BTBD8: variants seen among roughly 807,000 people sequenced by gnomAD.
The protein encoded by BTBD8 is BTB/POZ domain-containing protein 8.
BTBD8 carries 110 observed loss-of-function variants against 162.9 expected under a neutral mutation model. The ratio of observed to expected loss-of-function variants is 0.68; its 90% confidence interval spans 0.58 to 0.79. The LOEUF is 0.79. Ranked by LOEUF, BTBD8 falls within the 30% of genes least tolerant of loss-of-function variation. The pLI, the probability that BTBD8 is intolerant of heterozygous loss-of-function variation, is 0.00. For synonymous variants in BTBD8, 667 were observed against 716.1 expected, an observed-to-expected ratio of 0.93 and a Z score of 1.10; for missense variants, 1,905 against 2,085.4, an observed-to-expected ratio of 0.91 and a Z score of 1.68.
chr1:92,110,765 G>A (rs936296991), intron 4 of BTBD8, among the ~76,000 whole-genome samples: 25 of 151,806 alleles, frequency 1.6e-4, no homozygotes, highest in Admixed American at 6.6e-5. Context: ...GGATGGTCTC[G>A]ATCTCCTGAC....
chr1:92,098,494 C>A (rs1299143054), intron 2 of BTBD8, among the ~76,000 whole-genome samples: 5 of 152,138 alleles, frequency 3.3e-5, no homozygotes, highest in Non-Finnish European at 7.4e-5. Context: ...AACTGACAGA[C>A]TCTTTTCCAA....
At chr1:92,169,048 A>T in intron 12 of BTBD8, 53 bp downstream of exon 12, 1 of 1,433,180 alleles carries the variant, frequency 7.0e-7, no homozygotes, top group South Asian at 1.5e-5. Flanking sequence ...TTGTGACAGC[A>T]GATATTTTGA....
intron 9 of BTBD8, among the ~76,000 whole-genome samples, chr1:92,154,657 G>A (rs1650118533): frequency 6.6e-6 from 1 of 152,088 alleles, no homozygotes; most frequent in Non-Finnish European, 1.5e-5. Context: ...TAAATTGTAG[G>A]AGTTTCTTAT....
intron 4 of BTBD8, among the ~76,000 whole-genome samples, chr1:92,127,735 A>G (rs1481843868): frequency 1.3e-5 from 2 of 151,806 alleles, no homozygotes; most frequent in African/African-American, 4.8e-5. Flanking sequence ...TAATTTTTGT[A>G]TTTTTAGTAG....
chr1:92,102,652 A>G lies in BTBD8; in HGVS notation c.527A>G (p.Asp176Gly). 1 of 1,486,766 alleles carries G rather than the reference A, an allele frequency of 6.7e-7. No homozygotes were observed. The highest frequency in any genetic ancestry group is 9.0e-7 in the Non-Finnish European group (1 of 1,115,146). The allele number at this position is 1,486,766 out of a possible 1,614,324, so 92.1% of individuals were successfully genotyped here. A position where few individuals can be genotyped will look rare whatever the true frequency, so the allele number is the denominator to read the frequency against. ...CCAGAGGATATCAGTGACAGAGATG[A>G]TGATTTCATTTCCAATGGTGAGGTA... ...EIPEDISDRD[D>G]DFISNDNYDL... Residue 176 changes from aspartate (D) to glycine (G), a missense_variant, in exon 3 of 18, where the codon GAT becomes GGT. Asp to Gly is a moderately conservative substitution (Grantham distance 94). Transcript: ENST00000636805.
chr1:92,080,479 C>A lies in BTBD8; in HGVS notation c.-93C>A. ...CTAGGGGGCGGATTTGGGTAGGAGC[C>A]GAGCGTTCGGTCGGAAACGCCCCCT... On this transcript the variant is annotated 5_prime_UTR_variant, in exon 1 of 18. Transcript: ENST00000636805. The A allele has an allele frequency of 1.3e-6, 2 of 1,549,170 alleles. No homozygotes were observed. The highest frequency in any genetic ancestry group is 1.7e-6 in the Non-Finnish European group (2 of 1,152,376).
chr1:92,144,669 G>A (rs1319705332), intron 7 of BTBD8, among the ~76,000 whole-genome samples: 1 of 151,726 alleles, frequency 6.6e-6, no homozygotes, highest in East Asian at 2.0e-4. Context: ...AAATTAGCCA[G>A]GCATAGTGGG....
At chr1:92,173,230 G>A (rs1035423183) in intron 13 of BTBD8, among the ~76,000 whole-genome samples, 4 of 152,030 alleles carry the variant, frequency 2.6e-5, no homozygotes, top group Non-Finnish European at 5.9e-5. Flanking sequence ...CAACCCCATA[G>A]CAACTCTTTA....
In BTBD8 at chr1:92,178,301, A is replaced by AT. The variant is rs1429177211; in HGVS notation, c.2442-3dup. On this transcript the variant is annotated splice_polypyrimidine_tract_variant and intron_variant, in intron 15 of 17. Transcript: ENST00000636805. ...CTAAGTGTAATACTGAATGCAAATA[A>AT]TTTTTTTTAGTGTACTAAAGAAAGT... is the stretch of plus-strand genomic sequence containing the variant. 9 of 1,541,076 alleles carry AT rather than the reference A, an allele frequency of 5.8e-6. No individual in the cohort carries two copies. The highest frequency in any genetic ancestry group is 4.1e-5 in the African/African-American group (3 of 72,622).
At chr1:92,164,600 C>T (rs1406210895) in intron 9 of BTBD8, among the ~76,000 whole-genome samples, 3 of 151,458 alleles carry the variant, frequency 2.0e-5, no homozygotes, top group Admixed American at 2.0e-4. Flanking sequence ...GCCTGGGTGA[C>T]AGAGCGAGAC....
At chr1:92,141,266 C>T in intron 7 of BTBD8, 55 bp downstream of exon 7, 1 of 1,508,108 alleles carries the variant, frequency 6.6e-7, no homozygotes. Flanking sequence ...CCATTATTAC[C>T]TGCTAGATTT....
At chr1:92,096,524 C>T (rs1301143914) in intron 2 of BTBD8, among the ~76,000 whole-genome samples, 1 of 151,622 alleles carries the variant, frequency 6.6e-6, no homozygotes. Flanking sequence ...TGCTGTTAGT[C>T]ATACTACATG....
chr1:92,109,737 A>T (rs966868186), intron 4 of BTBD8, among the ~76,000 whole-genome samples: 1 of 152,152 alleles, frequency 6.6e-6, no homozygotes, highest in Non-Finnish European at 1.5e-5. Context: ...TTTAAGGAAT[A>T]TTGTGTCAGT....
At chr1:92,080,781 G>A (rs1647988135) in intron 1 of BTBD8, 61 bp downstream of exon 1, 1 of 1,552,276 alleles carries the variant, frequency 6.4e-7, no homozygotes, top group African/African-American at 1.4e-5. Flanking sequence ...CCGCCCCGAA[G>A]CTGAGGCTTC....
chr1:92,183,285 A>G (rs563884876), intron 17 of BTBD8, among the ~76,000 whole-genome samples: 1 of 152,296 alleles, frequency 6.6e-6, no homozygotes, highest in African/African-American at 2.4e-5. Flanking sequence ...AATATGCAAT[A>G]GTGGCTGACT....
chr1:92,128,631 G>T (rs1649425953), intron 4 of BTBD8, among the ~76,000 whole-genome samples: 2 of 151,602 alleles, frequency 1.3e-5, no homozygotes, highest in African/African-American at 4.9e-5. Context: ...TATTGGCCAG[G>T]CTGGTCTTGA....
chr1:92,183,465 T>C (rs1650977378), intron 17 of BTBD8, among the ~76,000 whole-genome samples: 2 of 152,170 alleles, frequency 1.3e-5, no homozygotes, highest in South Asian at 4.1e-4. Context: ...GTGAAATGTA[T>C]TTATCCCTGC....
At chr1:92,107,439 C>G (rs964464069) in intron 3 of BTBD8, among the ~76,000 whole-genome samples, 19 of 152,184 alleles carry the variant, frequency 1.2e-4, no homozygotes, top group African/African-American at 4.3e-4. Context: ...ACATACACAA[C>G]TGCTTACCAT....
intron 2 of BTBD8, among the ~76,000 whole-genome samples, chr1:92,094,225 T>A (rs1648391156): frequency 6.6e-6 from 1 of 152,252 alleles, no homozygotes; most frequent in East Asian, 1.9e-4. Flanking sequence ...TCTGTGATTA[T>A]GTAAGCTCCT....
Sources: allele counts gnomAD v4.1 joint callset (sites outside exome capture counted in the v4.1 genomes callset), GRCh38; gene constraint gnomAD v4.1.1; transcripts MANE v1.5; gene names NCBI Gene and HGNC (gene_info 2026-07-23, HGNC 2026-07-21).